PARK7: variants seen among roughly 807,000 people sequenced by gnomAD.
PARK7 encodes Parkinson disease protein 7.
A neutral mutation model predicts 20.5 loss-of-function variants in PARK7; 14 were observed. That is an observed-to-expected ratio of 0.68 (90% CI 0.45 to 1.07). PARK7 has a LOEUF of 1.07. Ranked by LOEUF, PARK7 falls within the 50% of genes least tolerant of loss-of-function variation. PARK7 has a pLI of 0.00. For missense variants in PARK7, 234 were observed against 238.1 expected, an observed-to-expected ratio of 0.98 and a Z score of 0.11; for synonymous variants, 98 against 84.3, an observed-to-expected ratio of 1.16 and a Z score of -0.89.
intron 1 of PARK7, 77 bp from the exon 2 acceptor site, chr1:7,962,686 C>T (rs1200881503): frequency 3.3e-6 from 3 of 915,920 alleles, no homozygotes; most frequent in Non-Finnish European, 5.0e-6. Context: ...TGAAAATGCT[C>T]CTAAACTTTA....
chr1:7,962,961 C>A, intron 2 of PARK7, 86 bp downstream of exon 2: 1 of 1,104,480 alleles, frequency 9.1e-7, no homozygotes, highest in Non-Finnish European at 1.4e-6. Flanking sequence ...TCAAAGTGCT[C>A]TATGAAATAT....
chr1:7,983,328 C>T (rs1300320265), intron 6 of PARK7, among the ~76,000 whole-genome samples: 5 of 152,220 alleles, frequency 3.3e-5, no homozygotes, highest in African/African-American at 9.6e-5. Context: ...GGAGCTTTGT[C>T]ACTTCCCCCT....
At chr1:7,970,088 G>A (rs755442652) in intron 4 of PARK7, among the ~76,000 whole-genome samples, 23 of 152,020 alleles carry the variant, frequency 1.5e-4, no homozygotes, top group African/African-American at 3.4e-4. Context: ...CCAGCTACTC[G>A]GGAGGCTATG....
At chr1:7,980,465 G>A (rs776302131) in intron 6 of PARK7, among the ~76,000 whole-genome samples, 9 of 152,108 alleles carry the variant, frequency 5.9e-5, no homozygotes, top group Admixed American at 1.3e-4. Flanking sequence ...TACAAAGCAC[G>A]TTCCCGTACG....
At chr1:7,973,806 G>T (rs902832735) in intron 5 of PARK7, among the ~76,000 whole-genome samples, 3 of 151,954 alleles carry the variant, frequency 2.0e-5, no homozygotes, top group Non-Finnish European at 2.9e-5. Flanking sequence ...TACTTGGGAG[G>T]CTGAGGCAGG....
chr1:7,969,932 C>G (rs1461789194), intron 4 of PARK7, among the ~76,000 whole-genome samples: 1 of 152,124 alleles, frequency 6.6e-6, no homozygotes, highest in Non-Finnish European at 1.5e-5. Flanking sequence ...GGCTCAACGT[C>G]TATAATCCCA....
chr1:7,976,883 G>A (rs1197566633), intron 5 of PARK7, among the ~76,000 whole-genome samples: 1 of 152,060 alleles, frequency 6.6e-6, no homozygotes, highest in Non-Finnish European at 1.5e-5. Flanking sequence ...ACCACGCACA[G>A]CTAATTTTTT....
At chr1:7,964,777 C>T (rs939171488) in intron 2 of PARK7, among the ~76,000 whole-genome samples, 8 of 152,130 alleles carry the variant, frequency 5.3e-5, no homozygotes, top group Non-Finnish European at 1.2e-4. Flanking sequence ...AGCAGTATTT[C>T]GTTGTTTGGA....
At chr1:7,976,178 T>C (rs879536913) in intron 5 of PARK7, among the ~76,000 whole-genome samples, 1 of 152,216 alleles carries the variant, frequency 6.6e-6, no homozygotes, top group Non-Finnish European at 1.5e-5. Flanking sequence ...TCAGGTTTGC[T>C]GACACTAAAA....
chr1:7,982,149 ATT>A (rs760318319), intron 6 of PARK7, among the ~76,000 whole-genome samples: 30 of 116,544 alleles, frequency 2.6e-4, no homozygotes, highest in Admixed American at 3.4e-4. Context: ...TAATTTTTGT[ATT>A]TTTTTTTTTT....
In PARK7 at chr1:7,978,153, CGCCTG is replaced by C. The variant is rs534676397; in HGVS notation, c.409+418_409+422del. Among the ~76,000 whole-genome samples the C allele has an allele frequency of 7.4e-3, 1,113 of 151,308 alleles. 8 individuals are homozygous for C. The highest frequency in any genetic ancestry group is 0.01 in the Non-Finnish European group (693 of 67,844). On this transcript the variant is annotated intron_variant, in intron 6 of 6. Coordinates refer to ENST00000338639, the MANE Select transcript of PARK7 (RefSeq NM_007262.5). ...CTGGGATCACAGGTGTGCTCCACCA[CGCCTG>C]GCTAATTTTTGTATTTTTTAGTAGA... is the stretch of plus-strand genomic sequence containing the variant.
Position 7,985,176 on chromosome 1 carries a change from T to G in PARK7, c.*122T>G. The G allele has an allele frequency of 3.8e-6, 5 of 1,331,032 alleles. No homozygotes were observed. In the Admixed American group the frequency reaches 9.9e-5, roughly 26 times the overall value. The allele number at this position is 1,331,032 out of a possible 1,614,324, so 82.5% of individuals were successfully genotyped here. A position where few individuals can be genotyped will look rare whatever the true frequency, so the allele number is the denominator to read the frequency against. On this transcript the variant is annotated 3_prime_UTR_variant, in exon 7 of 7. Coordinates refer to ENST00000338639, the MANE Select transcript of PARK7 (RefSeq NM_007262.5). ...CAGAAGTCGCTGTCCTTACTACTTT[T>G]GCGGAAGTATGGAAGTCACAACTAC...
rs751630261 is a variant in PARK7 at position 7,984,840 on chromosome 1, C to T, written c.410-54C>T. On this transcript the variant is annotated intron_variant, in intron 6 of 6. Coordinates refer to ENST00000338639, the MANE Select transcript of PARK7 (RefSeq NM_007262.5). The surrounding 1 kb of genome is among the most constrained non-coding windows in gnomAD (Gnocchi z 4.3). ...GTGAATTTAATTGGTAAGTAATCGT[C>T]TTTCTCGTCACATAGCCCATTAGGA... 3 of 1,601,922 alleles carry T rather than the reference C, an allele frequency of 1.9e-6. No individual in the cohort carries two copies. Among genetic ancestry groups the T allele is most frequent in the Non-Finnish European group, 2.6e-6 (3 of 1,169,576 alleles).
chr1:7,972,100 G>T (rs1640477656), intron 5 of PARK7: 1 of 152,144 alleles, frequency 6.6e-6, no homozygotes, highest in Non-Finnish European at 1.5e-5. Flanking sequence ...AGAGGTCCTG[G>T]GGACTTGATA....
chr1:7,978,844 C>CAAAAAAAAA (rs368607562), intron 6 of PARK7, among the ~76,000 whole-genome samples: 1 of 107,114 alleles, frequency 9.3e-6, no homozygotes. Context: ...AAGACCCTAT[C>CAAAAAAAAA]AAAAAAAAAA....
chr1:7,973,084 A>G (rs2151433667), intron 5 of PARK7, among the ~76,000 whole-genome samples: 1 of 152,348 alleles, frequency 6.6e-6, no homozygotes, highest in East Asian at 1.9e-4. Flanking sequence ...GCAGATGTTC[A>G]TAGATATAAC....
intron 3 of PARK7, among the ~76,000 whole-genome samples, chr1:7,966,626 C>T (rs751502216): frequency 1.8e-4 from 28 of 152,168 alleles, no homozygotes; most frequent in African/African-American, 5.5e-4. Context: ...TGAGCCTAGA[C>T]GGTTGCTTGA....
At chr1:7,970,096 A>G (rs1419600471) in intron 4 of PARK7, among the ~76,000 whole-genome samples, 2 of 152,052 alleles carry the variant, frequency 1.3e-5, no homozygotes, top group East Asian at 1.9e-4. Flanking sequence ...TCGGGAGGCT[A>G]TGGTGGGAGG....
chr1:7,971,004 G>T (rs1329597038), intron 5 of PARK7, 41 bp downstream of exon 5: 2 of 1,604,424 alleles, frequency 1.2e-6, no homozygotes, highest in East Asian at 2.2e-5. Context: ...GTCATTGGTG[G>T]GTGGGGTAGC....
Sources: allele counts gnomAD v4.1 joint callset (sites outside exome capture counted in the v4.1 genomes callset), GRCh38; gene constraint gnomAD v4.1.1; non-coding constraint Gnocchi (gnomAD v3.1); transcripts MANE v1.5; gene names NCBI Gene and HGNC (gene_info 2026-07-23, HGNC 2026-07-21).